RBX1: variants seen among roughly 807,000 people sequenced by gnomAD.
RBX1 encodes the protein E3 ubiquitin-protein ligase RBX1.
For synonymous variants in RBX1, 48 were observed against 47.9 expected (o/e 1.00, Z -0.01); for missense variants, 46 against 141.4 (o/e 0.33, Z 3.42).
chr22:40,958,195 A>G (rs1367905701), intron 2 of RBX1, among the ~76,000 whole-genome samples: 1 of 151,896 alleles, frequency 6.6e-6, no homozygotes, highest in Admixed American at 6.6e-5. Flanking sequence ...CCTGGACTCA[A>G]GCAATCCTCC....
chr22:40,952,616 T>C (rs953579588), intron 1 of RBX1, among the ~76,000 whole-genome samples: 8 of 152,228 alleles, frequency 5.3e-5, no homozygotes, highest in Non-Finnish European at 1.0e-4. Context: ...CAGAGTTGAA[T>C]GAATGAAATT....
At position 40,967,781 on chromosome 22, in the gene RBX1, A is replaced by C; in HGVS notation, c.229-18A>C. 3 of 1,608,064 alleles carry C rather than the reference A, an allele frequency of 1.9e-6. No individual in the cohort carries two copies. Among genetic ancestry groups the C allele is most frequent in the Non-Finnish European group, 2.6e-6 (3 of 1,174,876 alleles). ...CCTGCATAGAGTTATTTTTAATAAA[A>C]TATATGTTTTCTTTCAGCATGCTTT... On this transcript the variant is annotated intron_variant, in intron 3 of 4. Transcript: ENST00000216225.
chr22:40,959,081 G>C (rs925582551), intron 2 of RBX1, among the ~76,000 whole-genome samples: 2 of 152,198 alleles, frequency 1.3e-5, no homozygotes, highest in Non-Finnish European at 2.9e-5. Flanking sequence ...CTCCCAAAGT[G>C]CTGGGATTAC....
chr22:40,968,972 CTTT>C lies in RBX1; in HGVS notation c.314+1093_314+1095del, dbSNP rs1314903996. The stretch of plus-strand genomic sequence containing the variant: ...AAATGTACCTTAACTTTTTTCTTTT[CTTT>C]TTTTATTTGTTTGCATGTTTTTAAC... On this transcript the variant is annotated intron_variant, in intron 4 of 4. Coordinates refer to ENST00000216225, the MANE Select transcript of RBX1 (RefSeq NM_014248.4). Among the ~76,000 whole-genome samples, 3 of 147,114 alleles carry C rather than the reference CTTT, an allele frequency of 2.0e-5. No individual in the cohort carries two copies. The Admixed American group carries it at 2.1e-4, about 10-fold the overall frequency.
At chr22:40,971,789 T>C (rs1010225564) in intron 4 of RBX1, among the ~76,000 whole-genome samples, 2 of 152,126 alleles carry the variant, frequency 1.3e-5, no homozygotes, top group African/African-American at 2.4e-5. Context: ...ACTCCTGACC[T>C]CAGGTGATCT....
At chr22:40,963,721 C>T (rs1431672904) in intron 2 of RBX1, among the ~76,000 whole-genome samples, 2 of 151,990 alleles carry the variant, frequency 1.3e-5, no homozygotes, top group Non-Finnish European at 2.9e-5. Context: ...TGGTGGCACG[C>T]ACCTGTAGTC....
intron 2 of RBX1, among the ~76,000 whole-genome samples, chr22:40,962,597 G>T (rs2058343976): frequency 6.6e-6 from 1 of 150,652 alleles, no homozygotes; most frequent in Non-Finnish European, 1.5e-5. Context: ...CCGGATTCAA[G>T]CAATTCTTCT....
intron 2 of RBX1, among the ~76,000 whole-genome samples, chr22:40,955,260 C>CTT (rs776549895): frequency 2.2e-4 from 31 of 138,892 alleles, no homozygotes; most frequent in African/African-American, 4.5e-4. Flanking sequence ...TTTCTTTTTC[C>CTT]TTTTTTTTTT....
At chr22:40,954,641 A>C (rs1235062707) in intron 2 of RBX1, among the ~76,000 whole-genome samples, 1 of 152,140 alleles carries the variant, frequency 6.6e-6, no homozygotes, top group Non-Finnish European at 1.5e-5. Flanking sequence ...AGTTTCTAGA[A>C]ATGGAATTAT....
rs935538784 is a variant in RBX1, at chr22:40,961,375, G to A, written c.158-2672G>A. On this transcript the variant is annotated intron_variant, in intron 2 of 4. Coordinates refer to ENST00000216225, the MANE Select transcript of RBX1 (RefSeq NM_014248.4). ...GCTGGGATTACAGGTGTGAGCGACTGTGCCTGACCCAATTCTTTATTTTTA... is the reference window on the plus strand; with the variant it reads ...GCTGGGATTACAGGTGTGAGCGACTATGCCTGACCCAATTCTTTATTTTTA... Among the ~76,000 whole-genome samples the A allele has an allele frequency of 2.0e-5, 3 of 151,912 alleles. 1 individual carries two copies. In the South Asian group the frequency reaches 6.2e-4, roughly 32 times the overall value.
chr22:40,970,355 A>G (rs2058365758), intron 4 of RBX1, among the ~76,000 whole-genome samples: 1 of 151,916 alleles, frequency 6.6e-6, no homozygotes, highest in Non-Finnish European at 1.5e-5. Flanking sequence ...CGTCTCAAAA[A>G]AAAAAAAAAA....
chr22:40,969,946 A>G (rs1000753912), intron 4 of RBX1, among the ~76,000 whole-genome samples: 1 of 151,596 alleles, frequency 6.6e-6, no homozygotes, highest in African/African-American at 2.4e-5. Flanking sequence ...TTGTAGTCCC[A>G]GCTGCTCTGG....
chr22:40,972,678 T>G lies in RBX1; in HGVS notation c.*190T>G. The G allele has an allele frequency of 1.8e-6, 1 of 558,942 alleles. No individual in the cohort carries two copies. 34.6% of individuals were successfully genotyped at this position (558,942 alleles called of 1,614,324 possible). A position where few individuals can be genotyped will look rare whatever the true frequency, so the allele number is the denominator to read the frequency against. ...TGGATTCTGGAACGGATGCTCTCTCTTGTGTATGTGAACAAAGTGAACATA... is the reference window on the plus strand; with the variant it reads ...TGGATTCTGGAACGGATGCTCTCTCGTGTGTATGTGAACAAAGTGAACATA... On this transcript the variant is annotated 3_prime_UTR_variant, in exon 5 of 5. Transcript: ENST00000216225.
chr22:40,958,141 G>A (rs1272171718), intron 2 of RBX1, among the ~76,000 whole-genome samples: 1 of 151,838 alleles, frequency 6.6e-6, no homozygotes, highest in East Asian at 1.9e-4. Context: ...TTAATTTTTT[G>A]TAGAGATTGG....
intron 2 of RBX1, among the ~76,000 whole-genome samples, chr22:40,962,859 A>ATT (rs756486745): frequency 1.3e-4 from 16 of 123,020 alleles, no homozygotes; most frequent in African/African-American, 3.6e-4. Flanking sequence ...CGCCCAGCTA[A>ATT]TTTTTTTTTT....
chr22:40,959,446 T>C (rs919398489), intron 2 of RBX1, among the ~76,000 whole-genome samples: 1 of 152,256 alleles, frequency 6.6e-6, no homozygotes, highest in African/African-American at 2.4e-5. Flanking sequence ...ATATCCCTTC[T>C]TATTTGGTAC....
intron 4 of RBX1, 49 bp downstream of exon 4, chr22:40,967,933 T>G (rs755338133): frequency 3.0e-6 from 4 of 1,314,924 alleles, no homozygotes; most frequent in Non-Finnish European, 4.4e-6. Flanking sequence ...TGCCTCAGGC[T>G]GAAAGGAGCG....
At chr22:40,959,061 C>G (rs1262066443) in intron 2 of RBX1, among the ~76,000 whole-genome samples, 1 of 152,186 alleles carries the variant, frequency 6.6e-6, no homozygotes, top group Non-Finnish European at 1.5e-5. Context: ...AGTGATCCAC[C>G]CGGCTCGGCC....
At chr22:40,957,606 C>T (rs1348589144) in intron 2 of RBX1, among the ~76,000 whole-genome samples, 1 of 152,174 alleles carries the variant, frequency 6.6e-6, no homozygotes, top group African/African-American at 2.4e-5. Flanking sequence ...CCACTGCACT[C>T]CAGCCTAGGT....
Sources: gnomAD v4.1 joint callset for allele counts (sites outside exome capture counted in the v4.1 genomes callset) on GRCh38, gnomAD v4.1.1 for gene constraint, MANE v1.5 for transcripts, NCBI Gene and HGNC (gene_info 2026-07-23, HGNC 2026-07-21) for gene names.